The following SYN3 variants were observed in gnomAD, a reference collection of about 807,000 sequenced individuals.
SYN3 encodes synapsin-3.
Under a neutral mutation model 65.8 loss-of-function variants are expected in SYN3, and 35 were observed. The ratio of observed to expected loss-of-function variants is 0.53; its 90% CI spans 0.41 to 0.70. The LOEUF is 0.70. SYN3 is among the 30% of genes least tolerant of loss of function. The pLI is 0.00. For missense variants in SYN3, 680 were observed against 749.0 expected (o/e 0.91, Z 1.08); for synonymous variants, 270 against 292.9 (o/e 0.92, Z 0.80).
At chr22:32,680,866 A>C (rs2060513255) in intron 6 of SYN3, among the ~76,000 whole-genome samples, 1 of 152,222 alleles carries the variant, frequency 6.6e-6, no homozygotes. Flanking sequence ...CTAACATCAA[A>C]TGTCCCAGCT....
Position 32,735,128 on chromosome 22 carries a change from G to A in SYN3, c.711+129787C>T, listed in dbSNP as rs554309740. ...TGTGGAAGTGTTTACTGAGATCCTC[G>A]TTTCTGGTCCCTGGCTCTGTGTGTG... On this transcript the variant is annotated intron_variant, in intron 6 of 13. Coordinates refer to ENST00000358763, the MANE Select transcript of SYN3 (RefSeq NM_003490.4). Among the ~76,000 whole-genome samples, 11 of 152,286 alleles carry A rather than the reference G, an allele frequency of 7.2e-5. 1 individual carries two copies. Among genetic ancestry groups the A allele is most frequent in the East Asian group, 1.9e-4 (1 of 5,188 alleles).
chr22:32,673,720 G>A (rs1459664737), intron 6 of SYN3, among the ~76,000 whole-genome samples: 1 of 152,216 alleles, frequency 6.6e-6, no homozygotes, highest in African/African-American at 2.4e-5. Context: ...TAGACAGAAG[G>A]ATTTGTACGT....
At position 32,527,932 on chromosome 22, in the gene SYN3, C is replaced by A. The variant is rs199645736; in HGVS notation, c.1304G>T (p.Arg435Leu). Residue 435 changes from arginine (R) to leucine (L), a missense_variant, in exon 12 of 14, where the codon CGC becomes CTC. Arg to Leu is a moderately radical substitution (Grantham distance 102). Transcript: ENST00000358763. ...LGPQLGQPQP[R>L]PPPQGGPRQA... is the part of the protein sequence containing the mutation. ...CTGGGTCATACCTTGCGGAGGTGGGCGTGGCTGGGGCTGGCCTAGCTGAGG... is the reference window on the plus strand; with the variant it reads ...CTGGGTCATACCTTGCGGAGGTGGGAGTGGCTGGGGCTGGCCTAGCTGAGG... 11 of 1,590,774 alleles carry A rather than the reference C, an allele frequency of 6.9e-6. No homozygotes were observed. The highest frequency in any genetic ancestry group is 9.4e-6 in the Non-Finnish European group (11 of 1,167,462).
intron 6 of SYN3, among the ~76,000 whole-genome samples, chr22:32,760,322 G>A (rs893638726): frequency 4.0e-5 from 6 of 151,588 alleles, no homozygotes; most frequent in African/African-American, 1.5e-4. Context: ...TTCGGTTGAA[G>A]GAGAGGAGAA....
At chr22:33,054,009 C>A (rs1289830444) in intron 1 of SYN3, among the ~76,000 whole-genome samples, 1 of 152,178 alleles carries the variant, frequency 6.6e-6, no homozygotes, top group Non-Finnish European at 1.5e-5. Context: ...CAGGAACGAA[C>A]TGATTTTGGG....
chr22:32,688,750 T>C (rs2060625387), intron 6 of SYN3, among the ~76,000 whole-genome samples: 1 of 151,908 alleles, frequency 6.6e-6, no homozygotes. Flanking sequence ...GCCACGCTTC[T>C]TGATTTTCTC....
chr22:32,661,308 A>T (rs905972961), intron 6 of SYN3, among the ~76,000 whole-genome samples: 2 of 152,174 alleles, frequency 1.3e-5, no homozygotes, highest in African/African-American at 4.8e-5. Context: ...GGCAGTCAGA[A>T]CCACTCCAAA....
intron 3 of SYN3, among the ~76,000 whole-genome samples, chr22:32,942,272 A>C (rs1169350991): frequency 6.6e-6 from 1 of 152,218 alleles, no homozygotes; most frequent in Non-Finnish European, 1.5e-5. Flanking sequence ...ATCAGGCAGC[A>C]ACCTTTGCTG....
At chr22:32,774,587 A>G (rs2045861524) in intron 6 of SYN3, among the ~76,000 whole-genome samples, 1 of 133,986 alleles carries the variant, frequency 7.5e-6, no homozygotes, top group Non-Finnish European at 1.6e-5. Context: ...CTCTGTTTTA[A>G]GCATTGCACT....
chr22:32,793,800 C>T (rs2046371548), intron 6 of SYN3, among the ~76,000 whole-genome samples: 1 of 152,250 alleles, frequency 6.6e-6, no homozygotes, highest in Non-Finnish European at 1.5e-5. Context: ...TGAAGCCATA[C>T]ATTCATGCAC....
chr22:32,755,425 C>T (rs1445633274), intron 6 of SYN3, among the ~76,000 whole-genome samples: 3 of 152,182 alleles, frequency 2.0e-5, no homozygotes, highest in African/African-American at 4.8e-5. Context: ...ATGGCAAGAT[C>T]ACCTAATTCT....
At chr22:32,868,097 A>G (rs1233440229) in intron 5 of SYN3, among the ~76,000 whole-genome samples, 4 of 152,144 alleles carry the variant, frequency 2.6e-5, no homozygotes, top group Non-Finnish European at 5.9e-5. Flanking sequence ...AAGGGTTGAC[A>G]CTCACTTCAC....
At chr22:32,734,655 G>A in intron 6 of SYN3, among the ~76,000 whole-genome samples, 1 of 152,182 alleles carries the variant, frequency 6.6e-6, no homozygotes, top group Non-Finnish European at 1.5e-5. Flanking sequence ...GAGTGGGGCT[G>A]AGATCCGAGA....
At chr22:32,918,076 G>T (rs1018101558) in intron 4 of SYN3, among the ~76,000 whole-genome samples, 3 of 152,268 alleles carry the variant, frequency 2.0e-5, no homozygotes. Context: ...GGAAGTCTGT[G>T]CCTGGTGCAA....
chr22:33,001,425 C>T (rs2053055674), intron 2 of SYN3, among the ~76,000 whole-genome samples: 1 of 152,196 alleles, frequency 6.6e-6, no homozygotes, highest in African/African-American at 2.4e-5. Context: ...ACCACATGGA[C>T]ACTGGAGGGA....
At chr22:33,027,637 C>CAAAG (rs150706198) in intron 1 of SYN3, among the ~76,000 whole-genome samples, 96,849 of 149,614 alleles carry the variant, frequency 0.65, 31,639 homozygotes, top group African/African-American at 0.69. Context: ...GACAGACAGA[C>CAAAG]AGAGAGAGAG....
At chr22:32,571,217 C>G (rs571132844) in intron 7 of SYN3, among the ~76,000 whole-genome samples, 1 of 152,136 alleles carries the variant, frequency 6.6e-6, no homozygotes, top group African/African-American at 2.4e-5. Context: ...AGCATCCCCC[C>G]TCCCCTTCTC....
At chr22:32,795,604 G>A (rs544769051) in intron 6 of SYN3, among the ~76,000 whole-genome samples, 29 of 152,312 alleles carry the variant, frequency 1.9e-4, no homozygotes, top group Admixed American at 9.8e-4. Context: ...GCATGGTAGC[G>A]ACCATGGGGG....
chr22:32,692,772 T>TG (rs5845017), intron 6 of SYN3, among the ~76,000 whole-genome samples: 152,358 of 152,358 alleles, frequency 1, 76,179 homozygotes, highest in Non-Finnish European at 1. Context: ...TTGTAGAGTC[T>TG]CCATTATGGC....
Sources: gnomAD v4.1 joint callset for allele counts (sites outside exome capture counted in the v4.1 genomes callset) on GRCh38, gnomAD v4.1.1 for gene constraint, MANE v1.5 for transcripts, NCBI Gene and HGNC (gene_info 2026-07-23, HGNC 2026-07-21) for gene names.